ARHGAP40: variants seen among roughly 807,000 people sequenced by gnomAD.
ARHGAP40 encodes rho GTPase-activating protein 40.
ARHGAP40 carries 43 observed loss-of-function variants against 73.5 expected under a neutral mutation model. That is an observed-to-expected ratio of 0.58 (90% CI 0.46 to 0.75). ARHGAP40 has a LOEUF of 0.75. Among genes scored for constraint, ARHGAP40 ranks in the 30% least tolerant of loss-of-function variants. The probability of loss-of-function intolerance (pLI) is 0.00; values close to 1 mark genes in which losing one functional copy is unlikely to be tolerated. For missense variants in ARHGAP40, 734 were observed against 861.8 expected (o/e 0.85, Z 1.86); for synonymous variants, 300 against 352.8 (o/e 0.85, Z 1.68).
chr20:38,611,985 A>C (rs992749961), intron 1 of ARHGAP40, among the ~76,000 whole-genome samples: 1 of 152,086 alleles, frequency 6.6e-6, no homozygotes, highest in African/African-American at 2.4e-5. Flanking sequence ...CAGCCTCCCA[A>C]AACGCTGGGA....
chr20:38,623,123 G>A (rs1472381694), intron 1 of ARHGAP40, among the ~76,000 whole-genome samples: 1 of 152,234 alleles, frequency 6.6e-6, no homozygotes, highest in African/African-American at 2.4e-5. Context: ...GAAGGTGGAA[G>A]CAAGCAGAGC....
chr20:38,640,259 C>G (rs1292615334), intron 9 of ARHGAP40, among the ~76,000 whole-genome samples: 6 of 149,244 alleles, frequency 4.0e-5, no homozygotes, highest in Non-Finnish European at 7.4e-5. Context: ...CTCTGTCACC[C>G]AGGCTGGAGT....
chr20:38,648,787 C>CCTACTCTGGCCTCCCA, intron 14 of ARHGAP40, 89 bp downstream of exon 14: 1 of 1,054,232 alleles, frequency 9.5e-7, no homozygotes, highest in Non-Finnish European at 1.3e-6. Flanking sequence ...CTGTGGGAGG[C>CCTACTCTGGCCTCCCA]CAGAGTAGGC....
chr20:38,649,600 G>A (rs747823751), intron 14 of ARHGAP40, among the ~76,000 whole-genome samples, 157 bp from the exon 15 acceptor site: 8 of 152,196 alleles, frequency 5.3e-5, no homozygotes, highest in Admixed American at 3.3e-4. Flanking sequence ...TTCCCTCAGC[G>A]GAGCTCAGTT....
chr20:38,629,835 T>G (rs2088926529), intron 5 of ARHGAP40, among the ~76,000 whole-genome samples, 185 bp downstream of exon 5: 1 of 152,250 alleles, frequency 6.6e-6, no homozygotes, highest in African/African-American at 2.4e-5. Context: ...GGGAGCAGGA[T>G]GCTTACAGTC....
intron 13 of ARHGAP40, among the ~76,000 whole-genome samples, chr20:38,648,043 T>C (rs941288138): frequency 6.6e-6 from 1 of 152,152 alleles, no homozygotes. Flanking sequence ...CCTCAAGAGC[T>C]TCCTTGTTGG....
At chr20:38,650,012 A>C (rs995341745) in exon 15 of ARHGAP40, 4 of 424,276 alleles carry the variant, frequency 9.4e-6, no homozygotes, top group Non-Finnish European at 1.7e-5. Flanking sequence ...AAATAGACTC[A>C]GGGGTGGTGC....
intron 13 of ARHGAP40, among the ~76,000 whole-genome samples, chr20:38,647,381 T>C (rs1023329763): frequency 3.4e-5 from 5 of 147,060 alleles, no homozygotes; most frequent in African/African-American, 8.1e-5. Context: ...TTTCTGTTGG[T>C]TTGTTTGTTT....
At chr20:38,650,041 A>T (rs1262340820) in exon 15 of ARHGAP40, 2 of 376,212 alleles carry the variant, frequency 5.3e-6, no homozygotes, top group Non-Finnish European at 1.0e-5. Context: ...CTCAGAGGGG[A>T]TGAGGGGCTA....
At chr20:38,630,271 G>A (rs1277587841) in intron 5 of ARHGAP40, among the ~76,000 whole-genome samples, 1 of 149,616 alleles carries the variant, frequency 6.7e-6, no homozygotes, top group Non-Finnish European at 1.5e-5. Flanking sequence ...CCAGGCGGGA[G>A]TGCAGTGGTA....
At position 38,646,575 on chromosome 20, in the gene ARHGAP40, T is replaced by A. The variant is rs2145616466; in HGVS notation, c.1711-382T>A. Among the ~76,000 whole-genome samples, 1 of 152,298 alleles carries A rather than the reference T, an allele frequency of 6.6e-6. No individual in the cohort carries two copies. Among genetic ancestry groups the A allele is most frequent in the African/African-American group, 2.4e-5 (1 of 41,570 alleles). ...TACTGAGTATTCCTAGGAGGGGTCCTGAACACGGTTCCTTATTAAAGTCCC... is the reference window on the plus strand; with the variant it reads ...TACTGAGTATTCCTAGGAGGGGTCCAGAACACGGTTCCTTATTAAAGTCCC... On this transcript the variant is annotated intron_variant, in intron 12 of 14. Coordinates refer to ENST00000373345, the Ensembl canonical transcript of ARHGAP40. The surrounding 1 kb of genome is among the most constrained non-coding windows in gnomAD (Gnocchi z 4.5).
intron 14 of ARHGAP40, 146 bp downstream of exon 14, chr20:38,648,844 G>C (rs1236573669): frequency 1.8e-6 from 1 of 542,064 alleles, no homozygotes; most frequent in African/African-American, 2.0e-5. Context: ...ATGAAACCAG[G>C]TGGAGTCCTG....
chr20:38,643,521 G>A (rs976825712), intron 10 of ARHGAP40, among the ~76,000 whole-genome samples, 183 bp from the exon 11 acceptor site: 2 of 152,092 alleles, frequency 1.3e-5, no homozygotes, highest in South Asian at 2.1e-4. Flanking sequence ...AGCAGGAAAC[G>A]GAGACACAGA....
rs562080785 is a variant in ARHGAP40, at chr20:38,646,413, T to C, written c.1710+226T>C. Among the ~76,000 whole-genome samples the C allele has an allele frequency of 8.5e-5, 13 of 152,300 alleles. No individual in the cohort carries two copies. The highest frequency in any genetic ancestry group is 1.8e-4 in the Non-Finnish European group (12 of 68,004). ...AGGGGAAATGGAGTGACTCGGAGACTTCCCCTAGAAACCGTCACCGCCGCC... is the reference window on the plus strand; with the variant it reads ...AGGGGAAATGGAGTGACTCGGAGACCTCCCCTAGAAACCGTCACCGCCGCC... On this transcript the variant is annotated intron_variant, in intron 12 of 14. Transcript: ENST00000373345. The surrounding 1 kb of genome is among the most constrained non-coding windows in gnomAD (Gnocchi z 4.5).
intron 1 of ARHGAP40, among the ~76,000 whole-genome samples, chr20:38,621,484 C>T (rs2088873170): frequency 6.6e-6 from 1 of 152,212 alleles, no homozygotes; most frequent in Admixed American, 6.5e-5. Flanking sequence ...GCTTAGCATG[C>T]ATGGGACTCT....
rs61393651 is a variant in ARHGAP40, at chr20:38,613,844, C to G, written c.138-9515C>G. ...GACTTTCATAACCCACAGATCGGCTCTAGCAGAAATGCTGTGTGAAAGAGA... is the reference window on the plus strand; with the variant it reads ...GACTTTCATAACCCACAGATCGGCTGTAGCAGAAATGCTGTGTGAAAGAGA... On this transcript the variant is annotated intron_variant, in intron 1 of 14. Transcript: ENST00000373345. Among the ~76,000 whole-genome samples the G allele has an allele frequency of 3.2e-4, 49 of 152,344 alleles. 1 individual carries two copies. The East Asian group carries it at 9.3e-3, about 29-fold the overall frequency.
At chr20:38,641,517 A>G (rs1375051563) in intron 9 of ARHGAP40, among the ~76,000 whole-genome samples, 1 of 152,208 alleles carries the variant, frequency 6.6e-6, no homozygotes, top group African/African-American at 2.4e-5. Context: ...TTTGTTACAC[A>G]AAGTATAGCG....
rs547574609 is a variant in ARHGAP40, at chr20:38,650,428, G to A, written c.*580G>A. ...AGGAGAGCTCTGTGACCTTGGACAAGCCCCTTGCCCTCTCAGAATCCTTTC... is the reference window on the plus strand; with the variant it reads ...AGGAGAGCTCTGTGACCTTGGACAAACCCCTTGCCCTCTCAGAATCCTTTC... On this transcript the variant is annotated 3_prime_UTR_variant, in exon 15 of 15. Transcript: ENST00000373345. The A allele has an allele frequency of 3.8e-5, 18 of 469,970 alleles. No homozygotes were observed. In the East Asian group the frequency reaches 8.5e-4, roughly 22 times the overall value. The allele number at this position is 469,970 out of a possible 1,614,324, so 29.1% of individuals were successfully genotyped here.
chr20:38,631,724 T>C (rs973864572), intron 5 of ARHGAP40, among the ~76,000 whole-genome samples: 6 of 152,144 alleles, frequency 3.9e-5, no homozygotes, highest in Non-Finnish European at 5.9e-5. Context: ...CCTGGCAGCC[T>C]GACCCTGGAG....
Sources: gnomAD v4.1 joint callset for allele counts (sites outside exome capture counted in the v4.1 genomes callset) on GRCh38, gnomAD v4.1.1 for gene constraint, Gnocchi (gnomAD v3.1) non-coding constraint, MANE v1.5 for transcripts, NCBI Gene and HGNC (gene_info 2026-07-23, HGNC 2026-07-21) for gene names.